ACTR2: variants seen among roughly 807,000 people sequenced by gnomAD.
ACTR2 encodes actin related protein 2.
In ACTR2, 5 loss-of-function variants were observed where a neutral mutation model predicts 50.2. The ratio of observed to expected loss-of-function variants is 0.10; its 90% CI spans 0.05 to 0.21. ACTR2 has a LOEUF of 0.21. Among genes scored for constraint, ACTR2 ranks in the 10% least tolerant of loss-of-function variants. The pLI, the probability that ACTR2 is intolerant of heterozygous loss-of-function variation, is 1.00. For synonymous variants in ACTR2, 140 were observed against 162.9 expected (o/e 0.86, Z 1.07); for missense variants, 180 against 480.6 (o/e 0.37, Z 5.85).
rs1558625092 is a variant in ACTR2, at chr2:65,250,905, C to G, written c.376-122C>G. 22 of 540,224 alleles carry G rather than the reference C, an allele frequency of 4.1e-5. No individual in the cohort carries two copies. The South Asian group carries it at 7.5e-4, about 18-fold the overall frequency. 33.5% of individuals were successfully genotyped at this position (540,224 alleles called of 1,614,324 possible). A position where few individuals can be genotyped will look rare whatever the true frequency, so the allele number is the denominator to read the frequency against. Reference sequence around the variant, plus strand: ...AAGAGGAGCTGATGAAAATGGAAGACTATTTCAGGTCCATTTGATTCTATT... The same window carrying G: ...AAGAGGAGCTGATGAAAATGGAAGAGTATTTCAGGTCCATTTGATTCTATT... On this transcript the variant is annotated intron_variant, in intron 3 of 8. Transcript: ENST00000260641.
At chr2:65,248,787 G>T (rs1419845587) in intron 3 of ACTR2, among the ~76,000 whole-genome samples, 1 of 152,150 alleles carries the variant, frequency 6.6e-6, no homozygotes, top group Admixed American at 6.5e-5. Context: ...GCCAAGGCGG[G>T]TGGATCACTT....
intron 1 of ACTR2, among the ~76,000 whole-genome samples, chr2:65,236,848 T>G (rs541140604): frequency 5.9e-5 from 9 of 152,266 alleles, no homozygotes; most frequent in Non-Finnish European, 1.2e-4. Context: ...AGTAGCCTTC[T>G]ATCAAGAGGT....
intron 8 of ACTR2, among the ~76,000 whole-genome samples, chr2:65,267,781 A>G (rs968308119): frequency 3.3e-5 from 5 of 152,006 alleles, no homozygotes; most frequent in Admixed American, 6.6e-5. Flanking sequence ...TTTGCTTAAA[A>G]GAAAAGAACT....
At chr2:65,231,061 A>G (rs1166629477) in intron 1 of ACTR2, among the ~76,000 whole-genome samples, 1 of 152,098 alleles carries the variant, frequency 6.6e-6, no homozygotes, top group Non-Finnish European at 1.5e-5. Flanking sequence ...CAAAAAAAAA[A>G]AAAAGCTGAT....
At chr2:65,239,229 C>T (rs1431205269) in intron 1 of ACTR2, among the ~76,000 whole-genome samples, 6 of 152,074 alleles carry the variant, frequency 3.9e-5, no homozygotes, top group African/African-American at 7.2e-5. Flanking sequence ...CTGAGGCAGG[C>T]GGATCACCTG....
At chr2:65,261,468 A>G (rs1672266686) in intron 7 of ACTR2, 76 bp downstream of exon 7, 1 of 1,330,032 alleles carries the variant, frequency 7.5e-7, no homozygotes, top group Non-Finnish European at 1.0e-6. Context: ...TTTATCAGAA[A>G]TAGATGGAAT....
intron 8 of ACTR2, among the ~76,000 whole-genome samples, chr2:65,268,345 A>T (rs1004595972): frequency 6.6e-6 from 1 of 152,170 alleles, no homozygotes. Context: ...GTAAATCAGG[A>T]CTGTTCCAAG....
chr2:65,233,169 A>G (rs895599213), intron 1 of ACTR2, among the ~76,000 whole-genome samples: 5 of 151,624 alleles, frequency 3.3e-5, no homozygotes, highest in Non-Finnish European at 5.9e-5. Flanking sequence ...TAATTTTTGT[A>G]TTTTTAGTAG....
chr2:65,263,504 C>T lies in ACTR2; in HGVS notation c.882-1539C>T, dbSNP rs1672315573. ...ATTCACCCAGAAGCATTTTGTACAG[C>T]AAGCATTTATTTGTGTAACCCTGAG... On this transcript the variant is annotated intron_variant, in intron 7 of 8. Transcript: ENST00000260641. 2.6e-5 allele frequency among the ~76,000 whole-genome samples: 4 copies of T among 152,272 alleles called. 1 individual carries two copies. The highest frequency in any genetic ancestry group is 2.6e-4 in the Admixed American group (4 of 15,298).
chr2:65,237,425 C>T (rs114575797), intron 1 of ACTR2, among the ~76,000 whole-genome samples: 1 of 151,708 alleles, frequency 6.6e-6, no homozygotes, highest in Non-Finnish European at 1.5e-5. Flanking sequence ...TAATTTTTTC[C>T]GGGGGGGAAT....
intron 1 of ACTR2, among the ~76,000 whole-genome samples, chr2:65,236,262 G>A (rs1285868343): frequency 6.6e-6 from 1 of 151,736 alleles, no homozygotes; most frequent in Non-Finnish European, 1.5e-5. Context: ...CTGGAACCTA[G>A]GAGGCAGAGG....
In ACTR2 at chr2:65,270,128, A is replaced by G. The variant is rs11698; in HGVS notation, c.*1394A>G. 42,374 of 152,086 alleles carry G rather than the reference A, an allele frequency of 0.28. 6,875 individuals carry two copies. Among genetic ancestry groups the G allele is most frequent in the East Asian group, 0.72 (3,711 of 5,162 alleles). 9.4% of individuals were successfully genotyped at this position (152,086 alleles called of 1,614,324 possible). A position where few individuals can be genotyped will look rare whatever the true frequency, so the allele number is the denominator to read the frequency against. On this transcript the variant is annotated 3_prime_UTR_variant, in exon 9 of 9. Transcript: ENST00000260641. ...CATGAGTTATTTCTAAGTTTGAAAA[A>G]TAAAAAGAAATTGCATCACACTAAT...
chr2:65,235,882 A>G (rs1475794855), intron 1 of ACTR2, among the ~76,000 whole-genome samples: 1 of 152,230 alleles, frequency 6.6e-6, no homozygotes, highest in East Asian at 1.9e-4. Context: ...GCTTGTAAGA[A>G]GACATCTGAA....
intron 1 of ACTR2, among the ~76,000 whole-genome samples, chr2:65,238,776 T>C (rs1298716876): frequency 6.6e-6 from 1 of 151,418 alleles, no homozygotes; most frequent in East Asian, 1.9e-4. Flanking sequence ...GAAACCAGCA[T>C]GGCCAACATG....
chr2:65,268,547 C>T lies in ACTR2; in HGVS notation c.1015-17C>T, dbSNP rs772692650. The T allele has an allele frequency of 1.9e-6, 3 of 1,605,520 alleles. No homozygotes were observed. The highest frequency in any genetic ancestry group is 1.3e-5 in the African/African-American group (1 of 74,350). On this transcript the variant is annotated splice_polypyrimidine_tract_variant and intron_variant, in intron 8 of 8. Coordinates refer to ENST00000260641, the MANE Select transcript of ACTR2 (RefSeq NM_005722.4). ...TGTGCACATGTACCATTTCATTATC[C>T]TTTCTTTCTCCTTTAGAAATTTAAG...
chr2:65,237,455 T>C (rs185998195), intron 1 of ACTR2, among the ~76,000 whole-genome samples: 5 of 152,188 alleles, frequency 3.3e-5, no homozygotes, highest in Admixed American at 2.6e-4. Flanking sequence ...TTGCCCATAC[T>C]GGTCTCGAGC....
chr2:65,264,807 G>A (rs1337049016), intron 7 of ACTR2, among the ~76,000 whole-genome samples: 1 of 152,114 alleles, frequency 6.6e-6, no homozygotes, highest in Non-Finnish European at 1.5e-5. Flanking sequence ...ACAAAAAAGT[G>A]TATTATATAC....
At chr2:65,239,018 C>T (rs1342926828) in intron 1 of ACTR2, among the ~76,000 whole-genome samples, 4 of 152,092 alleles carry the variant, frequency 2.6e-5, no homozygotes, top group South Asian at 4.2e-4. Context: ...TTTCATAATA[C>T]GGTGATATTA....
rs570976132 is a variant in ACTR2 at position 65,253,472 on chromosome 2, G to T, written c.449-256G>T. On this transcript the variant is annotated intron_variant, in intron 4 of 8. Transcript: ENST00000260641. ...AAAAAAAAAAGGAAAAAAAAGTCCT[G>T]TTTTTCAGTCCTCAGTCTCAGGGTC... Among the ~76,000 whole-genome samples the T allele has an allele frequency of 5.6e-4, 85 of 151,998 alleles. 1 individual carries two copies. The highest frequency in any genetic ancestry group is 1.9e-3 in the African/African-American group (78 of 41,460).
Sources: allele counts gnomAD v4.1 joint callset (sites outside exome capture counted in the v4.1 genomes callset), GRCh38; gene constraint gnomAD v4.1.1; transcripts MANE v1.5; gene names NCBI Gene and HGNC (gene_info 2026-07-23, HGNC 2026-07-21).